TPI1: variants seen among roughly 807,000 people sequenced by gnomAD.
TPI1 encodes the protein triosephosphate isomerase.
Under a neutral mutation model 31.0 loss-of-function variants are expected in TPI1, and 11 were observed. The observed-to-expected ratio is 0.36, with a 90% CI of 0.22 to 0.59. The LOEUF (loss-of-function observed/expected upper bound fraction) is 0.59, where lower values mean the gene tolerates loss of function less well. TPI1 is among the 20% of genes least tolerant of loss of function. The pLI is 0.79. For synonymous variants in TPI1, 121 were observed against 122.8 expected, an observed-to-expected ratio of 0.99 and a Z score of 0.10; for missense variants, 245 against 319.7, an observed-to-expected ratio of 0.77 and a Z score of 1.78.
Position 6,869,446 on chromosome 12 carries a change from G to A in TPI1, c.457+56G>A, listed in dbSNP as rs781792664. 85 of 1,611,974 alleles carry A rather than the reference G, an allele frequency of 5.3e-5. No homozygotes were observed. The African/African-American group carries it at 9.7e-4, about 18-fold the overall frequency. On this transcript the variant is annotated intron_variant, in intron 4 of 6. Transcript: ENST00000396705. ...ATCCAGGGCCACAGAGACTCAGAGGGTAGGGTCAGGCCCTGGAGCCTGTCT... is the reference window on the plus strand; with the variant it reads ...ATCCAGGGCCACAGAGACTCAGAGGATAGGGTCAGGCCCTGGAGCCTGTCT...
Position 6,867,607 on chromosome 12 carries a change from A to G in TPI1, c.41A>G (p.Lys14Arg). The change falls in exon 1 of 7, where the codon AAG (lysine) becomes AGG (arginine). Residue 14 changes from lysine to arginine, a missense_variant. Around this residue, in one of 3 missense-constraint regions of TPI1, gnomAD observed 95 missense variants for 96.4 expected, o/e 0.99. Transcript: ENST00000396705. ...SRKFFVGGNW[K>R]MNGRKQSLGE... ...AAGTTCTTCGTTGGGGGAAACTGGAAGATGAACGGGCGGAAGCAGAGTCTG... is the reference window on the plus strand; with the variant it reads ...AAGTTCTTCGTTGGGGGAAACTGGAGGATGAACGGGCGGAAGCAGAGTCTG... 6.2e-7 allele frequency: 1 copy of G among 1,613,070 alleles called. No individual in the cohort carries two copies. The highest frequency in any genetic ancestry group is 8.5e-7 in the Non-Finnish European group (1 of 1,179,744).
rs782738548 is a variant in TPI1 at position 6,867,694 on chromosome 12, C to T, written c.115+13C>T. 17 of 1,601,020 alleles carry T rather than the reference C, an allele frequency of 1.1e-5. No homozygotes were observed. Among genetic ancestry groups the T allele is most frequent in the African/African-American group, 5.4e-5 (4 of 73,878 alleles). On this transcript the variant is annotated intron_variant, in intron 1 of 6. Coordinates refer to ENST00000396705, the MANE Select transcript of TPI1 (RefSeq NM_000365.6). Reference sequence around the variant, plus strand: ...CCGGCCGACACCGGTAAGCCCTCGCCGAGGAGGGGTCTGGCCGGGCCGGGG... The same window carrying T: ...CCGGCCGACACCGGTAAGCCCTCGCTGAGGAGGGGTCTGGCCGGGCCGGGG...
chr12:6,869,105 C>T lies in TPI1; in HGVS notation c.246C>T (p.Gly82=). ...NGAFTGEISP[G]MIKDCGATWV... is the part of the protein sequence containing the mutation. ...GCTTCATCTCTTCCTTTAGCCCTGG[C>T]ATGATCAAAGACTGCGGAGCCACGT... The change falls in exon 3 of 7, where the codon GGC becomes GGT. Residue 82 remains glycine, a synonymous_variant. Coordinates refer to ENST00000396705, the MANE Select transcript of TPI1 (RefSeq NM_000365.6). 1 of 1,614,222 alleles carries T rather than the reference C, an allele frequency of 6.2e-7. No individual in the cohort carries two copies. Among genetic ancestry groups the T allele is most frequent in the Non-Finnish European group, 8.5e-7 (1 of 1,180,042 alleles).
chr12:6,868,566 C>T lies in TPI1; in HGVS notation c.116-298C>T, dbSNP rs990947924. The T allele has an allele frequency of 3.1e-6, 4 of 1,310,484 alleles. No homozygotes were observed. The African/African-American group carries it at 6.0e-5, about 20-fold the overall frequency. 81.2% of individuals were successfully genotyped at this position (1,310,484 alleles called of 1,614,324 possible). A position where few individuals can be genotyped will look rare whatever the true frequency, so the allele number is the denominator to read the frequency against. On this transcript the variant is annotated intron_variant, in intron 1 of 6. Coordinates refer to ENST00000396705, the MANE Select transcript of TPI1 (RefSeq NM_000365.6). Reference sequence around the variant, plus strand: ...GGTTGCTCCCTGGAGAATGCTGAGTCTGTGAGGTGCCTATGCCGAGAATAG... The same window carrying T: ...GGTTGCTCCCTGGAGAATGCTGAGTTTGTGAGGTGCCTATGCCGAGAATAG...
intron 1 of TPI1, chr12:6,868,114 C>T (rs782567945): frequency 6.4e-5 from 81 of 1,272,286 alleles, no homozygotes; most frequent in South Asian, 8.8e-5. Flanking sequence ...CCTCCCCTTC[C>T]TCGCCGGCGT....
chr12:6,867,972 C>T, intron 1 of TPI1: 1 of 978,220 alleles, frequency 1.0e-6, no homozygotes, highest in African/African-American at 1.8e-5. Flanking sequence ...TGGGGCTGTG[C>T]CCGCCAGGCG....
At chr12:6,868,051 C>T (rs1944497103) in intron 1 of TPI1, 2 of 1,226,664 alleles carry the variant, frequency 1.6e-6, no homozygotes, top group Non-Finnish European at 2.1e-6. Flanking sequence ...GGGCTTCCCG[C>T]TCCCTGCGCC....
chr12:6,869,584 G>A (rs782391462), intron 4 of TPI1, 104 bp from the exon 5 acceptor site: 2 of 1,476,030 alleles, frequency 1.4e-6, no homozygotes, highest in Admixed American at 1.7e-5. Flanking sequence ...ATCCCCCAAT[G>A]TCCACTAGGG....
Position 6,870,598 on chromosome 12 carries a change from T to A in TPI1, c.*215T>A. 1 of 725,844 alleles carries A rather than the reference T, an allele frequency of 1.4e-6. No individual in the cohort carries two copies. Among genetic ancestry groups the A allele is most frequent in the Non-Finnish European group, 2.6e-6 (1 of 391,446 alleles). 45.0% of individuals were successfully genotyped at this position (725,844 alleles called of 1,614,324 possible). On this transcript the variant is annotated 3_prime_UTR_variant, in exon 7 of 7. Coordinates refer to ENST00000396705, the MANE Select transcript of TPI1 (RefSeq NM_000365.6). The stretch of plus-strand genomic sequence containing the variant: ...CTCCACTTACTATAATGGTTGGAAC[T>A]AAACGTCACCAAGGTGGCTTCTCCT...
chr12:6,870,789 A>G lies in TPI1; in HGVS notation c.*406A>G. On this transcript the variant is annotated 3_prime_UTR_variant, in exon 7 of 7. Coordinates refer to ENST00000396705, the MANE Select transcript of TPI1 (RefSeq NM_000365.6). ...TGGTGCCCGTGCCTCTGTGCTGTGT[A>G]TGTGAACCACCCATGTGAGGGAATA... The G allele has an allele frequency of 2.0e-6, 1 of 510,860 alleles. No individual in the cohort carries two copies. The highest frequency in any genetic ancestry group is 3.8e-6 in the Non-Finnish European group (1 of 264,080). 31.6% of individuals were successfully genotyped at this position (510,860 alleles called of 1,614,324 possible). A position where few individuals can be genotyped will look rare whatever the true frequency, so the allele number is the denominator to read the frequency against.
intron 1 of TPI1, chr12:6,867,999 A>T: frequency 1.8e-6 from 2 of 1,115,678 alleles, no homozygotes; most frequent in Non-Finnish European, 1.2e-6. Context: ...TTAGGAGCGG[A>T]GCCCGAGGCT....
intron 1 of TPI1, chr12:6,868,264 C>CCAT: frequency 7.8e-7 from 1 of 1,287,638 alleles, no homozygotes; most frequent in Non-Finnish European, 1.0e-6. Context: ...GAGTGAGGAG[C>CCAT]CATCCTACCG....
chr12:6,867,710 C>T lies in TPI1; in HGVS notation c.115+29C>T, dbSNP rs782626038. The T allele has an allele frequency of 2.2e-5, 35 of 1,575,796 alleles. No homozygotes were observed. In the South Asian group the frequency reaches 3.4e-4, roughly 15 times the overall value. The stretch of plus-strand genomic sequence containing the variant: ...AGCCCTCGCCGAGGAGGGGTCTGGC[C>T]GGGCCGGGGCCGGGGCCGGGGCAGG... On this transcript the variant is annotated intron_variant, in intron 1 of 6. Transcript: ENST00000396705.
chr12:6,869,508 G>C (rs935433490), intron 4 of TPI1, 118 bp downstream of exon 4: 44 of 1,545,638 alleles, frequency 2.8e-5, no homozygotes, highest in Middle Eastern at 2.0e-4. Context: ...AAAAAGGGGA[G>C]GGGGAGTGAC....
intron 5 of TPI1, 44 bp downstream of exon 5, chr12:6,869,817 A>G (rs1371659912): frequency 3.1e-6 from 5 of 1,604,400 alleles, no homozygotes; most frequent in East Asian, 2.2e-5. Flanking sequence ...GCCTGCCTCA[A>G]TAGGTTTGGA....
In TPI1 at chr12:6,869,089, C is replaced by G; in HGVS notation, c.240-10C>G. The stretch of plus-strand genomic sequence containing the variant: ...TCCCTGCTGAACCTTGGCTTCATCT[C>G]TTCCTTTAGCCCTGGCATGATCAAA... On this transcript the variant is annotated splice_polypyrimidine_tract_variant and intron_variant, in intron 2 of 6. Transcript: ENST00000396705. 3.7e-6 allele frequency: 6 copies of G among 1,614,206 alleles called. No homozygotes were observed. Among genetic ancestry groups the G allele is most frequent in the Non-Finnish European group, 5.1e-6 (6 of 1,180,052 alleles).
chr12:6,870,356 C>G lies in TPI1; in HGVS notation c.723C>G (p.Phe241Leu). Residue 241 changes from phenylalanine (F) to leucine (L), a missense_variant, in exon 7 of 7, where the codon TTC becomes TTG. Phe to Leu is a conservative substitution (Grantham distance 22, BLOSUM62 0). This residue lies in a region of TPI1 where 127 missense variants were observed against 163.7 expected (regional missense o/e 0.78). Transcript: ENST00000396705. Reference sequence around the variant, plus strand: ...GTGGTGCTTCCCTCAAGCCCGAATTCGTGGACATCATCAATGCCAAACAAT... The same window carrying G: ...GTGGTGCTTCCCTCAAGCCCGAATTGGTGGACATCATCAATGCCAAACAAT... ...LVGGASLKPE[F>L]VDIINAKQ 1 of 1,613,892 alleles carries G rather than the reference C, an allele frequency of 6.2e-7. No individual in the cohort carries two copies. Among genetic ancestry groups the G allele is most frequent in the Non-Finnish European group, 8.5e-7 (1 of 1,179,894 alleles).
Position 6,869,037 on chromosome 12 carries a change from CGTT to C in TPI1, c.239+52_239+54del, listed in dbSNP as rs782763135. The stretch of plus-strand genomic sequence containing the variant: ...TGTGGGACCCTTCCCTCACTTTCCT[CGTT>C]GAGGGGAAAGCCACAGGGTGGGCTC... On this transcript the variant is annotated intron_variant, in intron 2 of 6. Transcript: ENST00000396705. 1.1e-5 allele frequency: 17 copies of C among 1,613,958 alleles called. No homozygotes were observed. In the South Asian group the frequency reaches 1.9e-4, roughly 18 times the overall value.
chr12:6,869,545 T>A, intron 4 of TPI1, 143 bp from the exon 5 acceptor site: 5 of 1,474,308 alleles, frequency 3.4e-6, no homozygotes, highest in Non-Finnish European at 4.7e-6. Flanking sequence ...CTATGACTTC[T>A]CCAGCCCCAA....
Sources: gnomAD v4.1 joint callset for allele counts on GRCh38, gnomAD v4.1.1 for gene constraint, gnomAD v4.1.1 regional missense constraint, MANE v1.5 for transcripts, NCBI Gene and HGNC (gene_info 2026-07-23, HGNC 2026-07-21) for gene names.